PTPRC: variants seen among roughly 807,000 people sequenced by gnomAD.
The protein encoded by PTPRC is receptor-type tyrosine-protein phosphatase C.
Under a neutral mutation model 155.9 loss-of-function variants are expected in PTPRC, and 44 were observed. The observed-to-expected ratio is 0.28, with a 90% CI of 0.22 to 0.36. The LOEUF (loss-of-function observed/expected upper bound fraction) is 0.36. PTPRC is among the 10% of genes least tolerant of loss of function. The pLI is 1.00. For missense variants in PTPRC, 1,401 were observed against 1,564.6 expected, an observed-to-expected ratio of 0.90 and a Z score of 1.76; for synonymous variants, 525 against 533.1, an observed-to-expected ratio of 0.98 and a Z score of 0.21.
At chr1:198,693,244 C>G (rs1212369587) in intron 3 of PTPRC, 1 of 749,414 alleles carries the variant, frequency 1.3e-6, no homozygotes, top group East Asian at 1.3e-4. Flanking sequence ...GTAACAAAAA[C>G]ACTTCTGAAT....
At position 198,756,251 on chromosome 1, in the gene PTPRC, G is replaced by C. The variant is rs886997684; in HGVS notation, c.*70G>C. ...ATTTCTATTTTTGTAGAAGTAGGAAGTGAAAATAGGTATACAGTGGATTAA... is the reference window on the plus strand; with the variant it reads ...ATTTCTATTTTTGTAGAAGTAGGAACTGAAAATAGGTATACAGTGGATTAA... On this transcript the variant is annotated 3_prime_UTR_variant, in exon 33 of 33. Coordinates refer to ENST00000442510, the MANE Select transcript of PTPRC (RefSeq NM_002838.5). The C allele has an allele frequency of 6.4e-6, 10 of 1,565,748 alleles. No homozygotes were observed. The highest frequency in any genetic ancestry group is 8.7e-6 in the Non-Finnish European group (10 of 1,143,110).
At chr1:198,673,453 TA>T (rs1297029416) in intron 2 of PTPRC, among the ~76,000 whole-genome samples, 1 of 152,216 alleles carries the variant, frequency 6.6e-6, no homozygotes, top group Non-Finnish European at 1.5e-5. Context: ...TTCAGGAAGC[TA>T]ATGTATATGG....
intron 7 of PTPRC, among the ~76,000 whole-genome samples, chr1:198,704,029 CT>C (rs1383739820): frequency 6.6e-6 from 1 of 152,130 alleles, no homozygotes; most frequent in Non-Finnish European, 1.5e-5. Context: ...AAAAGTTAAT[CT>C]AGAGAATGAA....
intron 2 of PTPRC, among the ~76,000 whole-genome samples, chr1:198,666,014 G>A (rs954760184): frequency 1.7e-4 from 26 of 152,050 alleles, no homozygotes; most frequent in Admixed American, 6.6e-5. Flanking sequence ...GCCAAGGGGG[G>A]AGAATCACTT....
intron 2 of PTPRC, among the ~76,000 whole-genome samples, chr1:198,678,041 G>A (rs1288093900): frequency 6.6e-6 from 1 of 152,060 alleles, no homozygotes; most frequent in Non-Finnish European, 1.5e-5. Context: ...AGTGCCAAGA[G>A]GAAATGCAAT....
At chr1:198,672,920 C>T (rs1395807952) in intron 2 of PTPRC, among the ~76,000 whole-genome samples, 1 of 152,186 alleles carries the variant, frequency 6.6e-6, no homozygotes, top group Non-Finnish European at 1.5e-5. Context: ...ATTCCTGTCA[C>T]CTGAGGATAT....
intron 2 of PTPRC, among the ~76,000 whole-genome samples, chr1:198,675,274 T>G (rs1052342699): frequency 3.3e-5 from 5 of 152,114 alleles, no homozygotes; most frequent in Non-Finnish European, 7.4e-5. Flanking sequence ...ACATCTAAAT[T>G]TAAAAGAAAA....
At chr1:198,675,193 C>T (rs9803752) in intron 2 of PTPRC, among the ~76,000 whole-genome samples, 21,351 of 152,008 alleles carry the variant, frequency 0.14, 1,948 homozygotes, top group African/African-American at 0.26. Flanking sequence ...TCTATTTTTC[C>T]CAGTTCTAAA....
At chr1:198,673,141 C>T (rs1374977561) in intron 2 of PTPRC, among the ~76,000 whole-genome samples, 1 of 151,972 alleles carries the variant, frequency 6.6e-6, no homozygotes, top group Non-Finnish European at 1.5e-5. Context: ...CCACCTAACT[C>T]AAACATATCC....
At chr1:198,715,860 T>C (rs1022502501) in intron 12 of PTPRC, among the ~76,000 whole-genome samples, 2 of 152,194 alleles carry the variant, frequency 1.3e-5, no homozygotes, top group African/African-American at 4.8e-5. Context: ...TCCAGAAACA[T>C]GTTGCCACTC....
At chr1:198,650,525 A>G (rs1171894784) in intron 2 of PTPRC, among the ~76,000 whole-genome samples, 1 of 151,886 alleles carries the variant, frequency 6.6e-6, no homozygotes, top group East Asian at 1.9e-4. Flanking sequence ...CCCCATGAGC[A>G]CTGGGATGGG....
chr1:198,751,218 A>ATAT (rs1282382963), intron 29 of PTPRC, among the ~76,000 whole-genome samples: 3 of 152,046 alleles, frequency 2.0e-5, no homozygotes, highest in Non-Finnish European at 4.4e-5. Flanking sequence ...TTCCCATATA[A>ATAT]TATTTATTGC....
At chr1:198,686,747 A>G (rs558212543) in intron 2 of PTPRC, among the ~76,000 whole-genome samples, 1 of 152,358 alleles carries the variant, frequency 6.6e-6, no homozygotes, top group East Asian at 1.9e-4. Context: ...CACTGGTTAT[A>G]AAATACTTTA....
chr1:198,741,932 G>A lies in PTPRC; in HGVS notation c.2467G>A (p.Gly823Arg), dbSNP rs148122103. ...HIQFTSWPDHGVPEDPHLLLK... is the reference protein window; with the variant it reads ...HIQFTSWPDHRVPEDPHLLLK... ...TCAGTTCACCAGCTGGCCAGACCAC[G>A]GGGTGCCTGAGGATCCTCACTTGCT... The change falls in exon 24 of 33, where the codon GGG becomes AGG. Residue 823 changes from glycine (G) to arginine (R), a missense_variant. Around this residue, in one of 3 missense-constraint regions of PTPRC, gnomAD observed 134 missense variants for 204.7 expected, o/e 0.65. Coordinates refer to ENST00000442510, the MANE Select transcript of PTPRC (RefSeq NM_002838.5). 1.4e-5 allele frequency: 23 copies of A among 1,611,990 alleles called. No homozygotes were observed. The highest frequency in any genetic ancestry group is 1.0e-4 in the Admixed American group (6 of 59,744).
At chr1:198,657,495 C>G (rs897501150) in intron 2 of PTPRC, 9 of 152,082 alleles carry the variant, frequency 5.9e-5, no homozygotes, top group Non-Finnish European at 1.3e-4. Flanking sequence ...ATTAAGTATA[C>G]TCAGTTTTGT....
intron 16 of PTPRC, 118 bp from the exon 17 acceptor site, chr1:198,729,019 T>C (rs1178905713): frequency 6.0e-6 from 7 of 1,167,810 alleles, no homozygotes; most frequent in Non-Finnish European, 8.3e-6. Context: ...TCTTCCCCTT[T>C]TCTTATCCCT....
intron 5 of PTPRC, among the ~76,000 whole-genome samples, chr1:198,701,314 G>T (rs559890841): frequency 6.6e-6 from 1 of 152,322 alleles, no homozygotes; most frequent in Admixed American, 6.5e-5. Context: ...ACACCTGCAA[G>T]CTCAAATCAA....
rs754128003 is a variant in PTPRC, at chr1:198,734,446, T to C, written c.2277+21T>C. 8 of 1,601,900 alleles carry C rather than the reference T, an allele frequency of 5.0e-6. No homozygotes were observed. In the Admixed American group the frequency reaches 8.4e-5, roughly 17 times the overall value. On this transcript the variant is annotated intron_variant, in intron 22 of 32. Coordinates refer to ENST00000442510, the MANE Select transcript of PTPRC (RefSeq NM_002838.5). ...ACAGGGTAAGAACCAAGAAGATTCATAGTGTGGGTCTTGGGGTTAGGAAAA... is the reference window on the plus strand; with the variant it reads ...ACAGGGTAAGAACCAAGAAGATTCACAGTGTGGGTCTTGGGGTTAGGAAAA...
Position 198,734,352 on chromosome 1 carries a change from A to G in PTPRC, c.2204A>G (p.Asp735Gly), listed in dbSNP as rs201711547. The change falls in exon 22 of 33, where the codon GAT (aspartate) becomes GGT (glycine). Residue 735 changes from aspartate (D) to glycine (G), a missense_variant. Physicochemically the swap from Asp to Gly is moderately conservative, Grantham distance 94. This residue lies in a region of PTPRC where 867 missense variants were observed against 970.4 expected (regional missense o/e 0.89). Coordinates refer to ENST00000442510, the MANE Select transcript of PTPRC (RefSeq NM_002838.5). ...GGTCCCAGGGATGAAACTGTTGATGATTTCTGGAGGATGATTTGGGAACAG... is the reference window on the plus strand; with the variant it reads ...GGTCCCAGGGATGAAACTGTTGATGGTTTCTGGAGGATGATTTGGGAACAG... ...AQGPRDETVDDFWRMIWEQKA... is the reference protein window; with the variant it reads ...AQGPRDETVDGFWRMIWEQKA... 1.2e-6 allele frequency: 2 copies of G among 1,611,074 alleles called. No individual in the cohort carries two copies. The highest frequency in any genetic ancestry group is 2.2e-5 in the East Asian group (1 of 44,732).
Sources: allele counts gnomAD v4.1 joint callset (sites outside exome capture counted in the v4.1 genomes callset), GRCh38; gene constraint gnomAD v4.1.1; regional missense constraint gnomAD v4.1.1; transcripts MANE v1.5; gene names NCBI Gene and HGNC (gene_info 2026-07-23, HGNC 2026-07-21).